Variants in NOL4 observed in about 807,000 individuals in gnomAD.
The protein encoded by NOL4 is cancer/testis antigen 125.
Under a neutral mutation model 75.9 loss-of-function variants are expected in NOL4, and 17 were observed. The observed-to-expected ratio is 0.22, with a 90% CI of 0.15 to 0.34. The LOEUF is 0.34. NOL4 is among the 10% of genes least tolerant of loss of function. The probability of loss-of-function intolerance (pLI) is 1.00; values close to 1 mark genes in which losing one functional copy is unlikely to be tolerated. For missense variants in NOL4, 614 were observed against 793.5 expected, an observed-to-expected ratio of 0.77 and a Z score of 2.72; for synonymous variants, 292 against 289.9, an observed-to-expected ratio of 1.01 and a Z score of -0.07.
chr18:33,931,416 G>C (rs771373228), intron 9 of NOL4, among the ~76,000 whole-genome samples: 8 of 152,052 alleles, frequency 5.3e-5, no homozygotes, highest in Non-Finnish European at 1.0e-4. Context: ...ACCAAGAATT[G>C]TATCTGTTCC....
intron 5 of NOL4, among the ~76,000 whole-genome samples, chr18:34,089,221 T>A (rs2078388637): frequency 1.3e-5 from 2 of 152,172 alleles, no homozygotes; most frequent in South Asian, 4.1e-4. Flanking sequence ...ATAAAAATCA[T>A]AATGTCCTAC....
In NOL4 at chr18:34,104,086, T is replaced by C. The variant is rs34881854; in HGVS notation, c.600A>G (p.Lys200=). 19,400 of 1,611,772 alleles carry C rather than the reference T, an allele frequency of 0.012. 154 individuals are homozygous for C. Among genetic ancestry groups the C allele is most frequent in the Middle Eastern group, 0.029 (176 of 6,046 alleles). Residue 200 remains lysine, a synonymous_variant, in exon 4 of 11, where the codon AAA becomes AAG. Transcript: ENST00000261592. ...YNMPITMAYM[K]HMKLQLLNSQ... is the part of the protein sequence containing the mutation. ...AGTTTAGCAGCTGCAGCTTCATGTG[T>C]TTCATGTAGGCCATGGTAATTGGCA...
rs2145331430 is a variant in NOL4, at chr18:34,076,384, T to C, written c.772+17081A>G. ...TCCACCAAATCCCTCACATTGGCAG[T>C]GGCCTATTCTACTTACTCCAAAGGT... On this transcript the variant is annotated intron_variant, in intron 5 of 10. Coordinates refer to ENST00000261592, the MANE Select transcript of NOL4 (RefSeq NM_003787.5). Among the ~76,000 whole-genome samples, 3 of 152,284 alleles carry C rather than the reference T, an allele frequency of 2.0e-5. No individual in the cohort carries two copies. In the South Asian group the frequency reaches 6.2e-4, roughly 32 times the overall value.
At chr18:34,128,737 G>A in intron 2 of NOL4, 1 of 223,552 alleles carries the variant, frequency 4.5e-6, no homozygotes, top group Non-Finnish European at 7.5e-6. Flanking sequence ...CATGTATTAG[G>A]GGTTATTATG....
intron 9 of NOL4, among the ~76,000 whole-genome samples, chr18:33,926,490 T>C (rs779693734): frequency 1.3e-5 from 2 of 152,122 alleles, no homozygotes; most frequent in Non-Finnish European, 2.9e-5. Flanking sequence ...AAACAATCTC[T>C]TCCATGCTAC....
At chr18:34,007,611 C>T (rs1279822079) in intron 6 of NOL4, among the ~76,000 whole-genome samples, 1 of 151,896 alleles carries the variant, frequency 6.6e-6, no homozygotes, top group African/African-American at 2.4e-5. Flanking sequence ...TGTTTTCTTT[C>T]CTGTCTTATT....
chr18:33,903,278 G>T (rs2145016013), intron 9 of NOL4, among the ~76,000 whole-genome samples: 1 of 152,230 alleles, frequency 6.6e-6, no homozygotes, highest in Non-Finnish European at 1.5e-5. Flanking sequence ...ATCCGATCTT[G>T]TAAGAACTCC....
At chr18:33,864,446 G>A (rs1457191384) in intron 10 of NOL4, among the ~76,000 whole-genome samples, 1 of 152,130 alleles carries the variant, frequency 6.6e-6, no homozygotes, top group Non-Finnish European at 1.5e-5. Context: ...TAGCAAGAGT[G>A]ACCTTTGCTC....
Position 33,943,096 on chromosome 18 carries a change from G to A in NOL4, c.1511C>T (p.Ala504Val), listed in dbSNP as rs372945843. The A allele has an allele frequency of 5.6e-6, 9 of 1,611,290 alleles. No individual in the cohort carries two copies. In the African/African-American group the frequency reaches 9.4e-5, roughly 17 times the overall value. The change falls in exon 9 of 11, where the codon GCC (alanine) becomes GTC (valine). Residue 504 changes from alanine to valine, a missense_variant. This residue lies in a region of NOL4 where 128 missense variants were observed against 159.9 expected (regional missense o/e 0.80). Transcript: ENST00000261592. ...TCTCTCCAGACGCATCCTCTTGGCG[G>A]CATTTCTACTCTCACTCTCACAAGC... ...ASACESESRN[A>V]AKRMRLERQQ...
intron 1 of NOL4, among the ~76,000 whole-genome samples, chr18:34,165,632 A>G (rs2032234835): frequency 6.6e-6 from 1 of 152,188 alleles, no homozygotes; most frequent in African/African-American, 2.4e-5. Context: ...ATGAATAATT[A>G]TCTTATTTGA....
intron 1 of NOL4, among the ~76,000 whole-genome samples, chr18:34,179,769 G>A (rs977868244): frequency 3.3e-5 from 5 of 151,586 alleles, no homozygotes; most frequent in African/African-American, 1.2e-4. Context: ...ACAGCAAGAA[G>A]ATACTCTCTG....
At chr18:33,902,784 TA>T (rs1568036188) in intron 9 of NOL4, among the ~76,000 whole-genome samples, 1 of 152,138 alleles carries the variant, frequency 6.6e-6, no homozygotes. Context: ...GTAACTGGCC[TA>T]AAAAACAAAG....
At chr18:33,952,237 G>C (rs545692022) in intron 8 of NOL4, among the ~76,000 whole-genome samples, 22 of 152,198 alleles carry the variant, frequency 1.4e-4, no homozygotes, top group African/African-American at 5.1e-4. Context: ...GTGATAAGTA[G>C]CTCTGAAAAA....
At chr18:33,921,525 G>C (rs117304690) in intron 9 of NOL4, among the ~76,000 whole-genome samples, 1 of 152,108 alleles carries the variant, frequency 6.6e-6, no homozygotes, top group Non-Finnish European at 1.5e-5. Context: ...ACTGAATTAG[G>C]GTGGACCCTA....
intron 8 of NOL4, among the ~76,000 whole-genome samples, chr18:33,943,493 A>G (rs1941351): frequency 4.3e-4 from 65 of 152,020 alleles, no homozygotes; most frequent in Non-Finnish European, 8.4e-4. Flanking sequence ...GATTTTGCAA[A>G]TAAAACAAGG....
At chr18:34,181,057 G>A (rs1053276611) in intron 1 of NOL4, among the ~76,000 whole-genome samples, 1 of 150,962 alleles carries the variant, frequency 6.6e-6, no homozygotes, top group Non-Finnish European at 1.5e-5. Context: ...TTTGGAAGGA[G>A]GCCAAAAATT....
At chr18:34,131,546 T>C (rs1292690423) in intron 1 of NOL4, among the ~76,000 whole-genome samples, 1 of 152,092 alleles carries the variant, frequency 6.6e-6, no homozygotes, top group Non-Finnish European at 1.5e-5. Context: ...GTCTTCTTTG[T>C]TCCCAGCCAT....
intron 6 of NOL4, among the ~76,000 whole-genome samples, chr18:33,985,732 A>T (rs1269009502): frequency 1.3e-5 from 2 of 152,170 alleles, no homozygotes; most frequent in African/African-American, 4.8e-5. Flanking sequence ...TACATTCAGC[A>T]GATTAGTGGG....
At chr18:33,960,644 T>C (rs953719520) in intron 6 of NOL4, among the ~76,000 whole-genome samples, 4 of 152,154 alleles carry the variant, frequency 2.6e-5, no homozygotes, top group Non-Finnish European at 4.4e-5. Context: ...CATCAGGCAC[T>C]ATTCTAAGCC....
Sources: allele counts gnomAD v4.1 joint callset (sites outside exome capture counted in the v4.1 genomes callset), GRCh38; gene constraint gnomAD v4.1.1; regional missense constraint gnomAD v4.1.1; transcripts MANE v1.5; gene names NCBI Gene and HGNC (gene_info 2026-07-23, HGNC 2026-07-21).